CDH11: variants seen among roughly 807,000 people sequenced by gnomAD.
CDH11 encodes cadherin-11.
In CDH11, 11 loss-of-function variants were observed where a neutral mutation model predicts 67.8. That is an observed-to-expected ratio of 0.16 (90% CI 0.10 to 0.27). The LOEUF (loss-of-function observed/expected upper bound fraction) is 0.27. CDH11 is among the 10% of genes least tolerant of loss of function. CDH11 has a pLI of 1.00. For missense variants in CDH11, 847 were observed against 1,031.2 expected, an observed-to-expected ratio of 0.82 and a Z score of 2.45; for synonymous variants, 419 against 400.0, an observed-to-expected ratio of 1.05 and a Z score of -0.57.
At chr16:65,035,645 G>A (rs1264165667) in intron 2 of CDH11, among the ~76,000 whole-genome samples, 3 of 152,170 alleles carry the variant, frequency 2.0e-5, no homozygotes, top group Non-Finnish European at 4.4e-5. Context: ...ACCTGGAGTA[G>A]AGCAATCACA....
chr16:65,046,108 G>A (rs1377479453), intron 2 of CDH11, among the ~76,000 whole-genome samples: 3 of 152,190 alleles, frequency 2.0e-5, no homozygotes, highest in Non-Finnish European at 2.9e-5. Context: ...GGGAGGAAAT[G>A]CACAGGTAAC....
At chr16:65,111,970 C>T (rs947388079) in intron 1 of CDH11, among the ~76,000 whole-genome samples, 5 of 148,370 alleles carry the variant, frequency 3.4e-5, no homozygotes, top group Non-Finnish European at 5.9e-5. Context: ...CTCAGGAGGC[C>T]GAGGCAGGAT....
intron 1 of CDH11, among the ~76,000 whole-genome samples, chr16:65,081,492 C>A (rs1463539470): frequency 6.6e-6 from 1 of 151,782 alleles, no homozygotes; most frequent in Non-Finnish European, 1.5e-5. Flanking sequence ...TGGCGTGAAC[C>A]CGGGAGGCGG....
chr16:64,988,230 T>C lies in CDH11; in HGVS notation c.926A>G (p.Asp309Gly), dbSNP rs531145713. The C allele has an allele frequency of 1.2e-6, 2 of 1,613,612 alleles. No individual in the cohort carries two copies. The highest frequency in any genetic ancestry group is 2.7e-5 in the African/African-American group (2 of 75,022). ...TTCAAACGATTCCATACCATCTCCA[T>C]CAACAATATTGTATGTGACTAAGCC... ...ENGLVTYNIVDGDGMESFEIT... is the reference protein window; with the variant it reads ...ENGLVTYNIVGGDGMESFEIT... The change falls in exon 7 of 13, where the codon GAT becomes GGT. Residue 309 changes from aspartate to glycine, a missense_variant. By Grantham distance (94) the Asp-to-Gly change is moderately conservative (BLOSUM62 -1). This residue lies in a region of CDH11 where 612 missense variants were observed against 678.7 expected (regional missense o/e 0.90). Coordinates refer to ENST00000268603, the MANE Select transcript of CDH11 (RefSeq NM_001797.4).
intron 2 of CDH11, among the ~76,000 whole-genome samples, chr16:65,023,941 C>T (rs1260513482): frequency 1.3e-5 from 2 of 152,098 alleles, no homozygotes; most frequent in Non-Finnish European, 1.5e-5. Flanking sequence ...CCTGTTTCAT[C>T]CTGGGACTAA....
In CDH11 at chr16:64,950,783, G is replaced by A. The variant is rs745525216; in HGVS notation, c.1878C>T (p.Cys626=). 6.2e-7 allele frequency: 1 copy of A among 1,613,852 alleles called. No homozygotes were observed. Among genetic ancestry groups the A allele is most frequent in the Non-Finnish European group, 8.5e-7 (1 of 1,179,822 alleles). The change falls in exon 12 of 13, where the codon TGC becomes TGT. Residue 626 remains cysteine, a synonymous_variant. Transcript: ENST00000268603. ...CGCCCTTACCCAGGAGAATGACGAT[G>A]CAGGCGAGGATGGCGATCAGGGCGC... ...STGALIAILA[C]IVILLVIVVL... is the part of the protein sequence containing the mutation.
rs761556246 is a variant in CDH11, at chr16:64,946,571, T to C, written c.*1032A>G. On this transcript the variant is annotated 3_prime_UTR_variant, in exon 13 of 13. Coordinates refer to ENST00000268603, the MANE Select transcript of CDH11 (RefSeq NM_001797.4). The stretch of plus-strand genomic sequence containing the variant: ...GAAGCCAGGAGGTTAACACCAAGAA[T>C]GTACAAAAAAGCTTTACATGATGTT... The C allele has an allele frequency of 6.8e-6, 7 of 1,033,706 alleles. No individual in the cohort carries two copies. The highest frequency in any genetic ancestry group is 8.1e-6 in the Non-Finnish European group (7 of 859,236). 64.0% of individuals were successfully genotyped at this position (1,033,706 alleles called of 1,614,324 possible). A position where few individuals can be genotyped will look rare whatever the true frequency, so the allele number is the denominator to read the frequency against.
At chr16:64,968,930 G>T (rs2071922160) in intron 11 of CDH11, among the ~76,000 whole-genome samples, 1 of 152,130 alleles carries the variant, frequency 6.6e-6, no homozygotes, top group African/African-American at 2.4e-5. Flanking sequence ...ATAATTATAG[G>T]ACTGTATTTG....
chr16:64,966,255 C>T (rs2071824569), intron 11 of CDH11, among the ~76,000 whole-genome samples: 1 of 152,008 alleles, frequency 6.6e-6, no homozygotes, highest in African/African-American at 2.4e-5. Flanking sequence ...AATGGAAAGT[C>T]AGACCATGGT....
intron 2 of CDH11, among the ~76,000 whole-genome samples, chr16:65,038,326 C>T (rs1041118871): frequency 1.3e-5 from 2 of 152,044 alleles, no homozygotes; most frequent in Non-Finnish European, 1.5e-5. Flanking sequence ...GAAAATGTCT[C>T]GTGAAAATAA....
chr16:65,048,799 C>A (rs1408514140), intron 2 of CDH11, among the ~76,000 whole-genome samples: 3 of 151,850 alleles, frequency 2.0e-5, no homozygotes, highest in African/African-American at 7.3e-5. Context: ...TATACACACA[C>A]ACAACGTTCT....
intron 2 of CDH11, among the ~76,000 whole-genome samples, chr16:65,033,736 C>CTAAAATAAAA (rs59225853): frequency 0.19 from 26,676 of 141,332 alleles, 2,812 homozygotes; most frequent in Non-Finnish European, 0.21. Flanking sequence ...GACTCCATCT[C>CTAAAATAAAA]TAAAATAAAA....
At chr16:65,104,214 G>C (rs987217308) in intron 1 of CDH11, among the ~76,000 whole-genome samples, 2 of 152,124 alleles carry the variant, frequency 1.3e-5, no homozygotes, top group East Asian at 3.9e-4. Context: ...ACCTTCATAA[G>C]CAGAGGAAAG....
At chr16:64,957,638 C>A (rs1597014485) in intron 11 of CDH11, among the ~76,000 whole-genome samples, 1 of 111,526 alleles carries the variant, frequency 9.0e-6, no homozygotes, top group Non-Finnish European at 1.8e-5. Context: ...ACACACCCAT[C>A]CATATATATA....
chr16:65,029,754 G>A (rs1037875189), intron 2 of CDH11, among the ~76,000 whole-genome samples: 15 of 152,260 alleles, frequency 9.9e-5, no homozygotes, highest in Non-Finnish European at 1.6e-4. Flanking sequence ...GGGCGGCTTT[G>A]GTTATTTGAA....
Position 64,945,391 on chromosome 16 carries a change from A to G in CDH11, c.*2212T>C. The G allele has an allele frequency of 7.8e-6, 8 of 1,031,760 alleles. No homozygotes were observed. Among genetic ancestry groups the G allele is most frequent in the Non-Finnish European group, 9.3e-6 (8 of 855,940 alleles). The allele number at this position is 1,031,760 out of a possible 1,614,324, so 63.9% of individuals were successfully genotyped here. On this transcript the variant is annotated 3_prime_UTR_variant, in exon 13 of 13. Transcript: ENST00000268603. Reference sequence around the variant, plus strand: ...TTTTAAAAAAGACTTCAACATAAAAATGCGAAAATGTAGTTGTCATCTCTA... The same window carrying G: ...TTTTAAAAAAGACTTCAACATAAAAGTGCGAAAATGTAGTTGTCATCTCTA...
At chr16:65,029,810 C>A (rs1335317817) in intron 2 of CDH11, among the ~76,000 whole-genome samples, 1 of 152,162 alleles carries the variant, frequency 6.6e-6, no homozygotes, top group African/African-American at 2.4e-5. Flanking sequence ...ACAACACAAA[C>A]CTACAGCATT....
At chr16:64,982,438 G>T in intron 7 of CDH11, 137 bp from the exon 8 acceptor site, 1 of 678,880 alleles carries the variant, frequency 1.5e-6, no homozygotes, top group South Asian at 2.0e-5. Flanking sequence ...CCAATTACCT[G>T]AGCCATTTGG....
At chr16:64,950,634 A>ACCCCC in intron 12 of CDH11, 133 bp downstream of exon 12, 2 of 282,042 alleles carry the variant, frequency 7.1e-6, no homozygotes, top group Non-Finnish European at 9.0e-6. Flanking sequence ...CCCGTACCCC[A>ACCCCC]CTTCTTTTCT....
Sources: gnomAD v4.1 joint callset for allele counts (sites outside exome capture counted in the v4.1 genomes callset) on GRCh38, gnomAD v4.1.1 for gene constraint, gnomAD v4.1.1 regional missense constraint, MANE v1.5 for transcripts, NCBI Gene and HGNC (gene_info 2026-07-23, HGNC 2026-07-21) for gene names.